The following GABRB1 variants were observed in gnomAD, a reference collection of about 807,000 sequenced individuals.
GABRB1 encodes gamma-aminobutyric acid type A receptor subunit beta1.
Under a neutral mutation model 51.6 loss-of-function variants are expected in GABRB1, and 17 were observed. The ratio of observed to expected loss-of-function variants is 0.33; its 90% CI spans 0.23 to 0.49. GABRB1 has a LOEUF of 0.49. Among genes scored for constraint, GABRB1 ranks in the 20% least tolerant of loss-of-function variants. The pLI is 0.99. For missense variants in GABRB1, 410 were observed against 600.6 expected, an observed-to-expected ratio of 0.68 and a Z score of 3.32; for synonymous variants, 247 against 218.9, an observed-to-expected ratio of 1.13 and a Z score of -1.14.
chr4:47,326,616 G>GA (rs1460599349), intron 5 of GABRB1, among the ~76,000 whole-genome samples: 1 of 151,996 alleles, frequency 6.6e-6, no homozygotes, highest in Non-Finnish European at 1.5e-5. Context: ...TGAACGTAAG[G>GA]AAAAACTACT....
chr4:47,387,573 A>C (rs1473785726), intron 5 of GABRB1, among the ~76,000 whole-genome samples: 1 of 152,214 alleles, frequency 6.6e-6, no homozygotes, highest in Non-Finnish European at 1.5e-5. Flanking sequence ...ATTAGTTCTT[A>C]TGTGTGAGTC....
Position 47,333,188 on chromosome 4 carries a change from TTTTA to T in GABRB1, c.544+12985_544+12988del, listed in dbSNP as rs1264534294. On this transcript the variant is annotated intron_variant, in intron 5 of 8. Coordinates refer to ENST00000295454, the MANE Select transcript of GABRB1 (RefSeq NM_000812.4). ...TATATACATATATATTTAAAACCCA[TTTTA>T]TTTATATATATATATATATATATAT... 5.1e-4 allele frequency among the ~76,000 whole-genome samples: 33 copies of T among 64,870 alleles called. 2 individuals carry two copies. The highest frequency in any genetic ancestry group is 2.3e-3 in the East Asian group (6 of 2,594). 42.6% of individuals were successfully genotyped at this position (64,870 alleles called of 152,430 possible).
chr4:47,224,527 C>A (rs966875483), intron 4 of GABRB1, among the ~76,000 whole-genome samples: 10 of 152,002 alleles, frequency 6.6e-5, no homozygotes, highest in Admixed American at 6.6e-4. Flanking sequence ...GCTAAACTGG[C>A]CTAACATGAT....
chr4:47,344,748 A>T (rs1726027955), intron 5 of GABRB1, among the ~76,000 whole-genome samples: 1 of 151,910 alleles, frequency 6.6e-6, no homozygotes, highest in Admixed American at 6.6e-5. Context: ...TTTTTGACAG[A>T]GTCTTGCTCT....
intron 5 of GABRB1, among the ~76,000 whole-genome samples, chr4:47,329,543 T>C (rs1449795255): frequency 1.3e-5 from 2 of 148,576 alleles, no homozygotes; most frequent in African/African-American, 2.4e-5. Flanking sequence ...TAGAAATATA[T>C]ATATATTTAG....
At chr4:47,228,552 G>A (rs1021274030) in intron 4 of GABRB1, among the ~76,000 whole-genome samples, 3 of 151,826 alleles carry the variant, frequency 2.0e-5, no homozygotes, top group Non-Finnish European at 4.4e-5. Context: ...TTAACATATG[G>A]TTGATATGGT....
At chr4:47,125,587 G>GCTCTGTC (rs1172837212) in intron 3 of GABRB1, among the ~76,000 whole-genome samples, 2 of 32,742 alleles carry the variant, frequency 6.1e-5, no homozygotes, top group Middle Eastern at 0.023. Context: ...ACGGAGTCTC[G>GCTCTGTC]CTCTGTCGCC....
chr4:47,404,506 CACACA>C (rs1307743671), intron 7 of GABRB1, among the ~76,000 whole-genome samples: 1 of 150,992 alleles, frequency 6.6e-6, no homozygotes, highest in Non-Finnish European at 1.5e-5. Context: ...CACACACACA[CACACA>C]CACACACACA....
At chr4:47,122,598 C>T (rs1715825712) in intron 3 of GABRB1, among the ~76,000 whole-genome samples, 1 of 141,834 alleles carries the variant, frequency 7.1e-6, no homozygotes, top group African/African-American at 2.7e-5. Flanking sequence ...AGAGGAAGAA[C>T]CCCATGGAAC....
intron 3 of GABRB1, among the ~76,000 whole-genome samples, chr4:47,109,822 C>T (rs570943529): frequency 6.6e-6 from 1 of 152,116 alleles, no homozygotes; most frequent in African/African-American, 2.4e-5. Flanking sequence ...TTTGAGAAGT[C>T]TATTTCTTTC....
chr4:47,030,226 C>A (rs1725244453), upstream of GABRB1, among the ~76,000 whole-genome samples: 2 of 152,098 alleles, frequency 1.3e-5, no homozygotes. Context: ...CTCTAAACTT[C>A]TTGTGCATAT....
intron 5 of GABRB1, among the ~76,000 whole-genome samples, chr4:47,398,573 GAGAGACAGAGAGAGAGAC>G: frequency 6.6e-6 from 1 of 152,066 alleles, no homozygotes; most frequent in Admixed American, 6.6e-5. Flanking sequence ...GAGAGAGAGA[GAGAGACAGAGAGAGAGAC>G]AGAGACAGAG....
At chr4:47,416,032 G>A (rs1050667930) in intron 8 of GABRB1, among the ~76,000 whole-genome samples, 1 of 152,164 alleles carries the variant, frequency 6.6e-6, no homozygotes, top group African/African-American at 2.4e-5. Flanking sequence ...GAGTAGTGAT[G>A]AACAACAAAA....
chr4:47,397,853 G>A (rs902826292), intron 5 of GABRB1, among the ~76,000 whole-genome samples: 2 of 152,040 alleles, frequency 1.3e-5, no homozygotes, highest in South Asian at 2.1e-4. Flanking sequence ...GATTACAGGT[G>A]TGAGCCACCA....
At chr4:47,210,876 A>G (rs1259939585) in intron 4 of GABRB1, among the ~76,000 whole-genome samples, 1 of 152,190 alleles carries the variant, frequency 6.6e-6, no homozygotes, top group Non-Finnish European at 1.5e-5. Context: ...TTAGGGATAT[A>G]CCTAACTCAG....
chr4:47,087,363 T>A (rs1255791557), intron 3 of GABRB1, among the ~76,000 whole-genome samples: 1 of 152,134 alleles, frequency 6.6e-6, no homozygotes, highest in East Asian at 1.9e-4. Context: ...TATTACCTAT[T>A]ATTATTGATA....
chr4:47,199,185 C>T (rs2109794206), intron 4 of GABRB1, among the ~76,000 whole-genome samples: 1 of 152,150 alleles, frequency 6.6e-6, no homozygotes, highest in Non-Finnish European at 1.5e-5. Flanking sequence ...AGAAACTGTT[C>T]AGCAAAAAGG....
At chr4:47,356,024 G>A (rs539846164) in intron 5 of GABRB1, among the ~76,000 whole-genome samples, 16 of 152,208 alleles carry the variant, frequency 1.1e-4, no homozygotes, top group African/African-American at 3.9e-4. Flanking sequence ...AGCATGCAAT[G>A]AATATGGCAA....
At chr4:47,032,686 A>G in intron 3 of GABRB1, 2 of 715,070 alleles carry the variant, frequency 2.8e-6, no homozygotes, top group South Asian at 1.5e-5. Flanking sequence ...GCGGTGTTCC[A>G]GGGGAAACGT....
Sources: allele counts gnomAD v4.1 joint callset (sites outside exome capture counted in the v4.1 genomes callset), GRCh38; gene constraint gnomAD v4.1.1; transcripts MANE v1.5; gene names NCBI Gene and HGNC (gene_info 2026-07-23, HGNC 2026-07-21).